Variants in RHOBTB1 observed in about 807,000 individuals in gnomAD.
RHOBTB1 encodes rho-related BTB domain-containing protein 1.
RHOBTB1 carries 40 observed loss-of-function variants against 71.6 expected under a neutral mutation model. That is an observed-to-expected ratio of 0.56 (90% CI 0.43 to 0.73). RHOBTB1 has a LOEUF of 0.73. Ranked by LOEUF, RHOBTB1 falls within the 30% of genes least tolerant of loss-of-function variation. The pLI, the probability that RHOBTB1 is intolerant of heterozygous loss-of-function variation, is 0.00. For synonymous variants in RHOBTB1, 319 were observed against 334.9 expected (o/e 0.95, Z 0.52); for missense variants, 797 against 894.0 (o/e 0.89, Z 1.38).
chr10:60,881,047 T>TA (rs1191224446), intron 7 of RHOBTB1, among the ~76,000 whole-genome samples: 234 of 152,350 alleles, frequency 1.5e-3, no homozygotes, highest in African/African-American at 5.3e-3. Context: ...TGATGGGAGA[T>TA]ATTCATGGGG....
Position 60,872,200 on chromosome 10 carries a change from T to C in RHOBTB1, c.1906A>G (p.Lys636Glu). The C allele has an allele frequency of 2.5e-6, 4 of 1,613,746 alleles. No individual in the cohort carries two copies. The highest frequency in any genetic ancestry group is 3.4e-6 in the Non-Finnish European group (4 of 1,179,648). The change falls in exon 10 of 11, where the codon AAA becomes GAA. Residue 636 changes from lysine (K) to glutamate (E), a missense_variant. By Grantham distance (56) the Lys-to-Glu change is moderately conservative. Around this residue, in one of 2 missense-constraint regions of RHOBTB1, gnomAD observed 658 missense variants for 681.5 expected, o/e 0.97. Coordinates refer to ENST00000337910, the MANE Select transcript of RHOBTB1 (RefSeq NM_014836.5). ...ACAGTCTCACCTGCAGATTTTGATTTGATTTCCTTACGGAACTTGGAGCAT... is the reference window on the plus strand; with the variant it reads ...ACAGTCTCACCTGCAGATTTTGATTCGATTTCCTTACGGAACTTGGAGCAT... ...SVCSKFRKEIKSKSADNQEYF... is the reference protein window; with the variant it reads ...SVCSKFRKEIESKSADNQEYF...
intron 2 of RHOBTB1, among the ~76,000 whole-genome samples, chr10:60,913,845 C>T (rs2083123558): frequency 6.6e-6 from 1 of 152,196 alleles, no homozygotes; most frequent in Non-Finnish European, 1.5e-5. Context: ...TTCTGAGCCT[C>T]AGTCTCCTCA....
intron 8 of RHOBTB1, 25 bp downstream of exon 8, chr10:60,877,883 C>T: frequency 3.1e-6 from 5 of 1,600,482 alleles, no homozygotes; most frequent in East Asian, 2.2e-5. Context: ...ACAGACACTG[C>T]ATGGCCCTGA....
intron 2 of RHOBTB1, among the ~76,000 whole-genome samples, chr10:60,955,062 T>TTTTTTTTA (rs2085542118): frequency 6.7e-6 from 1 of 148,904 alleles, no homozygotes; most frequent in African/African-American, 2.5e-5. Flanking sequence ...TTTTTTTTTT[T>TTTTTTTTA]AAGATGTAGT....
At chr10:60,898,947 CA>C (rs1474362563) in intron 4 of RHOBTB1, among the ~76,000 whole-genome samples, 2 of 152,112 alleles carry the variant, frequency 1.3e-5, no homozygotes, top group Non-Finnish European at 2.9e-5. Context: ...AAAGCAATGG[CA>C]AAAACCGCAA....
At chr10:60,898,209 C>G (rs1482712871) in intron 4 of RHOBTB1, among the ~76,000 whole-genome samples, 1 of 152,146 alleles carries the variant, frequency 6.6e-6, no homozygotes, top group African/African-American at 2.4e-5. Flanking sequence ...TTCTTTGTCA[C>G]TGTGCATGAG....
rs1157759221 is a variant in RHOBTB1 at position 60,889,144 on chromosome 10, C to A, written c.524G>T (p.Arg175Leu). ...RGDILPPEKGREVAKELGLPY... is the reference protein window; with the variant it reads ...RGDILPPEKGLEVAKELGLPY... Reference sequence around the variant, plus strand: ...TAAGCCAAGTTCCTTTGCTACCTCTCGGCCTTTTTCTGGGGGCAAAATATC... The same window carrying A: ...TAAGCCAAGTTCCTTTGCTACCTCTAGGCCTTTTTCTGGGGGCAAAATATC... Residue 175 changes from arginine (R) to leucine (L), a missense_variant, in exon 6 of 11, where the codon CGA becomes CTA. Around this residue, in one of 2 missense-constraint regions of RHOBTB1, gnomAD observed 658 missense variants for 681.5 expected, o/e 0.97. Coordinates refer to ENST00000337910, the MANE Select transcript of RHOBTB1 (RefSeq NM_014836.5). 1 of 1,613,104 alleles carries A rather than the reference C, an allele frequency of 6.2e-7. No individual in the cohort carries two copies. Among genetic ancestry groups the A allele is most frequent in the Admixed American group, 1.7e-5 (1 of 59,924 alleles).
At chr10:60,973,763 A>G (rs1405910715) in intron 2 of RHOBTB1, among the ~76,000 whole-genome samples, 1 of 152,010 alleles carries the variant, frequency 6.6e-6, no homozygotes, top group African/African-American at 2.4e-5. Context: ...TACTTGCAGA[A>G]GAGAACATAT....
At chr10:60,938,001 A>G (rs1394926122) in intron 2 of RHOBTB1, among the ~76,000 whole-genome samples, 1 of 152,196 alleles carries the variant, frequency 6.6e-6, no homozygotes. Flanking sequence ...GTCATATTTC[A>G]CCGAAGTTGC....
At chr10:60,914,501 T>C (rs1310415170) in intron 2 of RHOBTB1, among the ~76,000 whole-genome samples, 4 of 152,146 alleles carry the variant, frequency 2.6e-5, no homozygotes, top group Non-Finnish European at 5.9e-5. Flanking sequence ...ATAAATGTCA[T>C]ATAGAGCCAA....
At chr10:60,989,490 C>T (rs994904365) in intron 1 of RHOBTB1, among the ~76,000 whole-genome samples, 1 of 152,178 alleles carries the variant, frequency 6.6e-6, no homozygotes, top group African/African-American at 2.4e-5. Context: ...TTTACTCAGC[C>T]TTATCTCTCT....
At chr10:61,001,616 G>A (rs1158483961), upstream of RHOBTB1, among the ~76,000 whole-genome samples, 1 of 151,952 alleles carries the variant, frequency 6.6e-6, no homozygotes, top group Admixed American at 6.5e-5. Context: ...GCGGGGCGGG[G>A]ACCACGGGTC....
chr10:60,999,995 G>C (rs2087201149), intron 1 of RHOBTB1, among the ~76,000 whole-genome samples: 1 of 152,170 alleles, frequency 6.6e-6, no homozygotes, highest in African/African-American at 2.4e-5. Flanking sequence ...TTGTTTAATT[G>C]ACAGGAAACA....
chr10:60,871,593 T>A lies in RHOBTB1; in HGVS notation c.1980A>T (p.Glu660Asp). The change falls in exon 11 of 11, where the codon GAA becomes GAT. Residue 660 changes from glutamate to aspartate, a missense_variant. Glu to Asp is a conservative substitution (Grantham distance 45, BLOSUM62 2). Around this residue, in one of 2 missense-constraint regions of RHOBTB1, gnomAD observed 658 missense variants for 681.5 expected, o/e 0.97. Transcript: ENST00000337910. The part of the protein sequence containing the change: ...RWPPVWYLKE[E>D]DHYQRVKRER... ...CCCTTTTCACACGCTGGTAGTGATC[T>A]TCTTCCTTCAGGTACCACACAGGGG... 6.2e-7 allele frequency: 1 copy of A among 1,614,150 alleles called. No individual in the cohort carries two copies. Among genetic ancestry groups the A allele is most frequent in the Non-Finnish European group, 8.5e-7 (1 of 1,179,980 alleles).
At chr10:60,939,144 G>A (rs1201783667) in intron 2 of RHOBTB1, among the ~76,000 whole-genome samples, 1 of 152,154 alleles carries the variant, frequency 6.6e-6, no homozygotes, top group Non-Finnish European at 1.5e-5. Flanking sequence ...TGTAAAACTT[G>A]CTAATTCGTT....
At chr10:60,994,385 A>G (rs1033997680) in intron 1 of RHOBTB1, among the ~76,000 whole-genome samples, 5 of 152,220 alleles carry the variant, frequency 3.3e-5, no homozygotes, top group African/African-American at 1.2e-4. Flanking sequence ...AGGAGGTGAC[A>G]TCTTATCTGG....
intron 5 of RHOBTB1, among the ~76,000 whole-genome samples, chr10:60,892,254 A>G (rs1469721217): frequency 6.6e-6 from 1 of 152,208 alleles, no homozygotes; most frequent in Non-Finnish European, 1.5e-5. Context: ...AAATGTAACC[A>G]CTAGAGACAT....
At chr10:60,865,394 G>A (rs1449507339), downstream of RHOBTB1, among the ~76,000 whole-genome samples, 1 of 152,202 alleles carries the variant, frequency 6.6e-6, no homozygotes. Flanking sequence ...AGTGTGTAAT[G>A]TGATGCTTTG....
chr10:60,943,271 G>T (rs1441579383), intron 1 of RHOBTB1, among the ~76,000 whole-genome samples: 1 of 152,174 alleles, frequency 6.6e-6, no homozygotes, highest in Non-Finnish European at 1.5e-5. Context: ...GGATGGAAAC[G>T]GTGCAGCTAA....
Sources: allele counts gnomAD v4.1 joint callset (sites outside exome capture counted in the v4.1 genomes callset), GRCh38; gene constraint gnomAD v4.1.1; regional missense constraint gnomAD v4.1.1; transcripts MANE v1.5; gene names NCBI Gene and HGNC (gene_info 2026-07-23, HGNC 2026-07-21).